The following BDKRB2 variants were observed in gnomAD, a reference collection of about 807,000 sequenced individuals.
BDKRB2 encodes B2 bradykinin receptor.
BDKRB2 carries 6 observed loss-of-function variants against 4.0 expected under a neutral mutation model. That is an observed-to-expected ratio of 1.49 (90% CI 0.81 to 2.93). BDKRB2 has a LOEUF of 2.93. Ranked by LOEUF, BDKRB2 falls within the 30% of genes most tolerant of loss-of-function variation. The pLI is 0.00. For missense variants in BDKRB2, 478 were observed against 520.1 expected (o/e 0.92, Z 0.79); for synonymous variants, 225 against 215.3 (o/e 1.05, Z -0.40).
intron 1 of BDKRB2, chr14:96,234,238 AG>A (rs1162811727): frequency 6.6e-6 from 1 of 152,302 alleles, no homozygotes; most frequent in African/African-American, 2.4e-5. Context: ...AAGAGCAGGC[AG>A]CACCCTGGGT....
chr14:96,223,493 C>A (rs1890625139), intron 1 of BDKRB2: 1 of 613,462 alleles, frequency 1.6e-6, no homozygotes, highest in African/African-American at 1.8e-5. Context: ...GTGCTGGTAA[C>A]TGCTTTGCTT....
At chr14:96,226,956 G>T (rs1368619558) in intron 1 of BDKRB2, among the ~76,000 whole-genome samples, 2 of 152,224 alleles carry the variant, frequency 1.3e-5, no homozygotes, top group Admixed American at 6.5e-5. Flanking sequence ...TGTCCGAGAG[G>T]GCTACAGCCC....
chr14:96,240,455 G>T lies in BDKRB2; in HGVS notation c.127G>T (p.Ala43Ser), dbSNP rs557017882. 1.3e-6 allele frequency: 2 copies of T among 1,509,234 alleles called. No individual in the cohort carries two copies. The highest frequency in any genetic ancestry group is 2.4e-5 in the Admixed American group (1 of 42,516). The allele number at this position is 1,509,234 out of a possible 1,614,324, so 93.5% of individuals were successfully genotyped here. A position where few individuals can be genotyped will look rare whatever the true frequency, so the allele number is the denominator to read the frequency against. ...LQGPTLNGTF[A>S]QSKCPQVEWL... is the part of the protein sequence containing the mutation. ...AGGGCCCACTCTTAACGGGACCTTTGCCCAGAGCAAATGCCCCCAAGTGGA... is the reference window on the plus strand; with the variant it reads ...AGGGCCCACTCTTAACGGGACCTTTTCCCAGAGCAAATGCCCCCAAGTGGA... Residue 43 changes from alanine to serine, a missense_variant, in exon 3 of 3, where the codon GCC becomes TCC. By Grantham distance (99) the Ala-to-Ser change is moderately conservative (BLOSUM62 1). Transcript: ENST00000554311.
chr14:96,221,711 G>T (rs1335651970), intron 1 of BDKRB2, among the ~76,000 whole-genome samples: 2 of 152,052 alleles, frequency 1.3e-5, no homozygotes, highest in East Asian at 1.9e-4. Flanking sequence ...GTTTAGAGCA[G>T]CAAGGAAGAG....
chr14:96,227,538 T>C (rs567628676), intron 1 of BDKRB2, among the ~76,000 whole-genome samples: 38 of 152,216 alleles, frequency 2.5e-4, no homozygotes, highest in Non-Finnish European at 4.3e-4. Context: ...CGCACACGTG[T>C]ACACACACGT....
chr14:96,233,632 T>C (rs1181406399), intron 1 of BDKRB2: 1 of 152,174 alleles, frequency 6.6e-6, no homozygotes, highest in Non-Finnish European at 1.5e-5. Flanking sequence ...AATCATTGGC[T>C]ACAAGGTCGC....
chr14:96,227,497 G>C (rs1302030194), intron 1 of BDKRB2, among the ~76,000 whole-genome samples: 1 of 152,130 alleles, frequency 6.6e-6, no homozygotes, highest in Non-Finnish European at 1.5e-5. Context: ...CCAGGCACTT[G>C]ACCCATGCTC....
At chr14:96,209,604 C>T (rs568836491) in intron 1 of BDKRB2, among the ~76,000 whole-genome samples, 1 of 152,328 alleles carries the variant, frequency 6.6e-6, no homozygotes, top group South Asian at 2.1e-4. Context: ...TCATTAACTT[C>T]ACTGAATGCA....
chr14:96,231,478 T>C (rs1197560949), intron 1 of BDKRB2, among the ~76,000 whole-genome samples: 1 of 152,196 alleles, frequency 6.6e-6, no homozygotes, highest in Non-Finnish European at 1.5e-5. Context: ...ATATGGTTTA[T>C]GAGGCGCCAT....
chr14:96,234,814 T>C (rs1432741423), intron 1 of BDKRB2, among the ~76,000 whole-genome samples: 2 of 152,146 alleles, frequency 1.3e-5, no homozygotes, highest in Non-Finnish European at 2.9e-5. Flanking sequence ...AGACCCATAA[T>C]GGAGGCCAGC....
chr14:96,235,083 C>T (rs1890900573), intron 1 of BDKRB2, among the ~76,000 whole-genome samples: 1 of 152,126 alleles, frequency 6.6e-6, no homozygotes, highest in African/African-American at 2.4e-5. Context: ...TGCAGTGGCT[C>T]ACATCTGTAA....
intron 2 of BDKRB2, chr14:96,239,283 A>T (rs1885202601): frequency 3.1e-6 from 3 of 974,152 alleles, no homozygotes; most frequent in African/African-American, 3.5e-5. Context: ...GAAAAAAGAA[A>T]TGCAAAGCGA....
chr14:96,241,477 G>A lies in BDKRB2; in HGVS notation c.1149G>A (p.Leu383=). Residue 383 remains leucine (L), a synonymous_variant, in exon 3 of 3, where the codon CTG becomes CTA. Transcript: ENST00000554311. ...SISVERQIHK[L]QDWAGSRQ is the part of the protein sequence containing the mutation. ...CCGTGGAACGCCAGATTCACAAACT[G>A]CAGGACTGGGCAGGGAGCAGACAGT... 1 of 1,557,848 alleles carries A rather than the reference G, an allele frequency of 6.4e-7. No individual in the cohort carries two copies. Among genetic ancestry groups the A allele is most frequent in the Non-Finnish European group, 8.6e-7 (1 of 1,158,766 alleles).
At chr14:96,229,806 T>TATTAA (rs1245398072) in intron 1 of BDKRB2, among the ~76,000 whole-genome samples, 5 of 152,128 alleles carry the variant, frequency 3.3e-5, no homozygotes, top group Admixed American at 6.5e-5. Flanking sequence ...GCTGTGGCAC[T>TATTAA]ATTAAATTAA....
At position 96,221,595 on chromosome 14, in the gene BDKRB2, C is replaced by T. The variant is rs1280176297; in HGVS notation, c.-39-15474C>T. Among the ~76,000 whole-genome samples, 5 of 151,888 alleles carry T rather than the reference C, an allele frequency of 3.3e-5. 1 individual carries two copies. The highest frequency in any genetic ancestry group is 1.2e-4 in the African/African-American group (5 of 41,278). On this transcript the variant is annotated intron_variant, in intron 1 of 2. Coordinates refer to ENST00000554311, the MANE Select transcript of BDKRB2 (RefSeq NM_001379692.1). ...TCTGAGTTTATTTGGGAGGGGTTGC[C>T]GGGGAGAGTCAGCTGTCTGGAAAGG...
intron 1 of BDKRB2, chr14:96,233,595 T>C (rs909008095): frequency 6.6e-6 from 1 of 152,190 alleles, no homozygotes; most frequent in Non-Finnish European, 1.5e-5. Flanking sequence ...CATGCGAAGC[T>C]GCCACATTTT....
chr14:96,228,398 C>G (rs1890746964), intron 1 of BDKRB2, among the ~76,000 whole-genome samples: 1 of 152,128 alleles, frequency 6.6e-6, no homozygotes, highest in Non-Finnish European at 1.5e-5. Context: ...AGAATCAGGT[C>G]ACACGGACTT....
chr14:96,213,495 A>AACACACACAC lies in BDKRB2; in HGVS notation c.-40+8565_-40+8574dup, dbSNP rs66460667. Among the ~76,000 whole-genome samples the AACACACACAC allele has an allele frequency of 9.7e-3, 1,418 of 146,738 alleles. 24 individuals carry two copies. Among genetic ancestry groups the AACACACACAC allele is most frequent in the African/African-American group, 0.033 (1,296 of 39,108 alleles). On this transcript the variant is annotated intron_variant, in intron 1 of 2. Coordinates refer to ENST00000554311, the MANE Select transcript of BDKRB2 (RefSeq NM_001379692.1). ...CTGGGCCTCTGTCTGGACCGACCCAAACACACACACACACACACACACACA... is the reference window on the plus strand; with the variant it reads ...CTGGGCCTCTGTCTGGACCGACCCAAACACACACACACACACACACACACACACACACACA...
At position 96,241,779 on chromosome 14, in the gene BDKRB2, T is replaced by G; in HGVS notation, c.*275T>G. 1 of 323,650 alleles carries G rather than the reference T, an allele frequency of 3.1e-6. No individual in the cohort carries two copies. Among genetic ancestry groups the G allele is most frequent in the African/African-American group, 2.1e-5 (1 of 47,032 alleles). The allele number at this position is 323,650 out of a possible 1,614,324, so 20.0% of individuals were successfully genotyped here. The stretch of plus-strand genomic sequence containing the variant: ...GCCACACCTGAGCCAGCCTGCTCCT[T>G]CCCAGGAGTGGAGGAGGCCTGGGGG... On this transcript the variant is annotated 3_prime_UTR_variant, in exon 3 of 3. Transcript: ENST00000554311.
Sources: allele counts gnomAD v4.1 joint callset (sites outside exome capture counted in the v4.1 genomes callset), GRCh38; gene constraint gnomAD v4.1.1; transcripts MANE v1.5; gene names NCBI Gene and HGNC (gene_info 2026-07-23, HGNC 2026-07-21).